The following PIK3AP1 variants were observed in gnomAD, a reference collection of about 807,000 sequenced individuals.
PIK3AP1 encodes the protein phosphoinositide 3-kinase adapter protein 1.
A neutral mutation model predicts 88.1 loss-of-function variants in PIK3AP1; 21 were observed. The observed-to-expected ratio is 0.24, with a 90% CI of 0.17 to 0.34. The LOEUF is 0.34. Among genes scored for constraint, PIK3AP1 ranks in the 10% least tolerant of loss-of-function variants. The probability of loss-of-function intolerance (pLI) is 1.00; values close to 1 mark genes in which losing one functional copy is unlikely to be tolerated. For synonymous variants in PIK3AP1, 398 were observed against 400.0 expected, an observed-to-expected ratio of 1.00 and a Z score of 0.06; for missense variants, 828 against 1,035.7, an observed-to-expected ratio of 0.80 and a Z score of 2.75.
chr10:96,612,899 T>G (rs1849137204), intron 13 of PIK3AP1, among the ~76,000 whole-genome samples: 1 of 144,936 alleles, frequency 6.9e-6, no homozygotes, highest in South Asian at 2.1e-4. Flanking sequence ...CAAGTGGTAG[T>G]GCTGGCACAA....
chr10:96,624,545 G>A (rs956992141), intron 10 of PIK3AP1, among the ~76,000 whole-genome samples: 3 of 151,986 alleles, frequency 2.0e-5, no homozygotes, highest in African/African-American at 7.2e-5. Flanking sequence ...AGGGTGAAAT[G>A]GTCCAGACAT....
chr10:96,683,057 G>A (rs1844023865), intron 2 of PIK3AP1, among the ~76,000 whole-genome samples: 2 of 152,168 alleles, frequency 1.3e-5, no homozygotes, highest in South Asian at 2.1e-4. Flanking sequence ...ATCGAACAAC[G>A]CTTCTGTGAA....
chr10:96,645,386 G>A, intron 8 of PIK3AP1, 87 bp downstream of exon 8: 1 of 1,376,920 alleles, frequency 7.3e-7, no homozygotes, highest in Non-Finnish European at 1.0e-6. Context: ...AGGGTACATA[G>A]GGACTGCCCC....
chr10:96,628,897 T>TATATATATAC (rs1843195585), intron 8 of PIK3AP1, among the ~76,000 whole-genome samples: 1 of 25,716 alleles, frequency 3.9e-5, no homozygotes, highest in African/African-American at 9.9e-5. Flanking sequence ...TACATATATA[T>TATATATATAC]ATATATATAT....
intron 2 of PIK3AP1, among the ~76,000 whole-genome samples, chr10:96,674,992 A>C (rs1843896908): frequency 1.3e-5 from 2 of 152,210 alleles, no homozygotes; most frequent in African/African-American, 4.8e-5. Context: ...TCCTGGGTTC[A>C]AGCAATTCTC....
intron 1 of PIK3AP1, among the ~76,000 whole-genome samples, chr10:96,719,210 T>C (rs1199962227): frequency 1.3e-5 from 2 of 152,184 alleles, no homozygotes; most frequent in African/African-American, 2.4e-5. Context: ...AATGAGCCTG[T>C]AGTACATGGA....
chr10:96,709,707 C>T lies in PIK3AP1; in HGVS notation c.290G>A (p.Arg97His). ...LLQRAFHPPH[R>H]VVRLLCGVRD... The stretch of plus-strand genomic sequence containing the variant: ...CACGCCGCAGAGCAGCCTGACCACG[C>T]GGTGCGGAGGATGGAAAGCTCTCTG... Residue 97 changes from arginine (R) to histidine (H), a missense_variant, in exon 2 of 17, where the codon CGC becomes CAC. Physicochemically the swap from Arg to His is conservative, Grantham distance 29. Coordinates refer to ENST00000339364, the MANE Select transcript of PIK3AP1 (RefSeq NM_152309.3). 6.2e-7 allele frequency: 1 copy of T among 1,614,238 alleles called. No individual in the cohort carries two copies. The highest frequency in any genetic ancestry group is 8.5e-7 in the Non-Finnish European group (1 of 1,180,052).
chr10:96,642,119 A>G (rs187277928), intron 8 of PIK3AP1, among the ~76,000 whole-genome samples: 3 of 152,288 alleles, frequency 2.0e-5, no homozygotes, highest in Non-Finnish European at 2.9e-5. Flanking sequence ...CAGAGTTCAC[A>G]TAACTGGGGA....
chr10:96,651,760 G>C, intron 4 of PIK3AP1, 109 bp from the exon 5 acceptor site: 1 of 1,300,714 alleles, frequency 7.7e-7, no homozygotes, highest in Middle Eastern at 2.0e-4. Context: ...ACTAATTGGG[G>C]GCTGGAAGAA....
At chr10:96,684,442 G>C (rs558273090) in intron 2 of PIK3AP1, among the ~76,000 whole-genome samples, 59 of 152,336 alleles carry the variant, frequency 3.9e-4, no homozygotes, top group Non-Finnish European at 1.9e-4. Context: ...CCAAGGCCCA[G>C]CTCAGTGAGA....
chr10:96,648,712 T>C lies in PIK3AP1; in HGVS notation c.1132A>G (p.Ile378Val), dbSNP rs1437218337. ...TCCCTGAAGCCGTGTTTCTCAGCGATGGTGTTGGGGTAGTGGCCATGCTTG... is the reference window on the plus strand; with the variant it reads ...TCCCTGAAGCCGTGTTTCTCAGCGACGGTGTTGGGGTAGTGGCCATGCTTG... ...ANKHGHYPNT[I>V]AEKHGFRDLR... The change falls in exon 7 of 17, where the codon ATC (isoleucine) becomes GTC (valine). Residue 378 changes from isoleucine to valine, a missense_variant. Ile to Val is a conservative substitution (Grantham distance 29, BLOSUM62 3). This residue lies in a region of PIK3AP1 where 610 missense variants were observed against 760.1 expected (regional missense o/e 0.80). Coordinates refer to ENST00000339364, the MANE Select transcript of PIK3AP1 (RefSeq NM_152309.3). 6.2e-7 allele frequency: 1 copy of C among 1,609,944 alleles called. No individual in the cohort carries two copies. The highest frequency in any genetic ancestry group is 2.2e-5 in the East Asian group (1 of 44,528).
chr10:96,609,977 G>T, intron 13 of PIK3AP1, 110 bp from the exon 14 acceptor site: 1 of 1,321,340 alleles, frequency 7.6e-7, no homozygotes, highest in Non-Finnish European at 1.1e-6. Context: ...TGCATGGGAA[G>T]GGGAAGGGGA....
intron 2 of PIK3AP1, among the ~76,000 whole-genome samples, chr10:96,693,026 C>G (rs923535195): frequency 6.6e-6 from 1 of 152,194 alleles, no homozygotes; most frequent in African/African-American, 2.4e-5. Flanking sequence ...GCTCCTTGCC[C>G]TGTCCACTGT....
At chr10:96,668,435 G>A (rs1392990892) in intron 2 of PIK3AP1, among the ~76,000 whole-genome samples, 1 of 152,196 alleles carries the variant, frequency 6.6e-6, no homozygotes, top group African/African-American at 2.4e-5. Context: ...ATAAGGTAAA[G>A]TCAAGGTGGG....
rs185200042 is a variant in PIK3AP1 at position 96,697,202 on chromosome 10, A to G, written c.430+12365T>C. Among the ~76,000 whole-genome samples, 40 of 152,334 alleles carry G rather than the reference A, an allele frequency of 2.6e-4. No individual in the cohort carries two copies. In the East Asian group the frequency reaches 7.3e-3, roughly 28 times the overall value. On this transcript the variant is annotated intron_variant, in intron 2 of 16. Coordinates refer to ENST00000339364, the MANE Select transcript of PIK3AP1 (RefSeq NM_152309.3). ...CGTGATAAGTAGCTGTTCTCTCGTT[A>G]TAGGTATTAGCCCACCCCGAGTGAG...
At chr10:96,622,109 G>A (rs937537280) in intron 11 of PIK3AP1, among the ~76,000 whole-genome samples, 7 of 152,238 alleles carry the variant, frequency 4.6e-5, no homozygotes, top group African/African-American at 1.7e-4. Context: ...GTGGACCCAT[G>A]GGCATGAAAT....
At chr10:96,673,742 A>G (rs1220666606) in intron 2 of PIK3AP1, among the ~76,000 whole-genome samples, 2 of 152,182 alleles carry the variant, frequency 1.3e-5, no homozygotes, top group Non-Finnish European at 2.9e-5. Flanking sequence ...GGCAGGCCAC[A>G]TAAATGTGAT....
At chr10:96,658,063 C>CAAAAAAAAAA (rs10706863) in intron 2 of PIK3AP1, among the ~76,000 whole-genome samples, 6 of 113,940 alleles carry the variant, frequency 5.3e-5, no homozygotes, top group African/African-American at 1.9e-4. Context: ...AACTCCATCT[C>CAAAAAAAAAA]AAAAAAAAAA....
chr10:96,605,846 G>A (rs188228989), intron 14 of PIK3AP1, among the ~76,000 whole-genome samples: 1 of 152,332 alleles, frequency 6.6e-6, no homozygotes, highest in Admixed American at 6.5e-5. Context: ...TACACTTTGG[G>A]AGGCTGAGGC....
Sources: allele counts gnomAD v4.1 joint callset (sites outside exome capture counted in the v4.1 genomes callset), GRCh38; gene constraint gnomAD v4.1.1; regional missense constraint gnomAD v4.1.1; transcripts MANE v1.5; gene names NCBI Gene and HGNC (gene_info 2026-07-23, HGNC 2026-07-21).